The following TAF8 variants were observed in gnomAD, a reference collection of about 807,000 sequenced individuals.
TAF8 encodes the protein TATA-box binding protein associated factor 8.
Under a neutral mutation model 36.5 loss-of-function variants are expected in TAF8, and 47 were observed. The observed-to-expected ratio is 1.29, with a 90% confidence interval of 1.02 to 1.64. The LOEUF is 1.64. Among genes scored for constraint, TAF8 ranks in the 40% most tolerant of loss-of-function variants. The pLI is 0.00. For synonymous variants in TAF8, 175 were observed against 159.5 expected, an observed-to-expected ratio of 1.10 and a Z score of -0.73; for missense variants, 420 against 407.6, an observed-to-expected ratio of 1.03 and a Z score of -0.26.
intron 2 of TAF8, among the ~76,000 whole-genome samples, chr6:42,051,951 A>G (rs747823278): frequency 2.0e-5 from 3 of 152,178 alleles, no homozygotes; most frequent in Non-Finnish European, 4.4e-5. Context: ...GTGAGGCTCC[A>G]TCTCCAACAA....
chr6:42,059,105 C>T (rs999923476), intron 5 of TAF8, among the ~76,000 whole-genome samples: 1 of 151,798 alleles, frequency 6.6e-6, no homozygotes, highest in Non-Finnish European at 1.5e-5. Flanking sequence ...GACTCAGGGC[C>T]GGGCAAGGTG....
chr6:42,084,176 G>T (rs188877973), downstream of TAF8, among the ~76,000 whole-genome samples: 92 of 110,120 alleles, frequency 8.4e-4, no homozygotes, highest in African/African-American at 3.7e-3. Flanking sequence ...GCGAGACTCT[G>T]TCTCAAAAAA....
chr6:42,056,241 T>C, intron 4 of TAF8: 1 of 452,342 alleles, frequency 2.2e-6, no homozygotes, highest in South Asian at 2.5e-5. Context: ...GTGTTTCTTG[T>C]GTTCTAGCCC....
rs1448302942 is a variant in TAF8 at position 42,082,281 on chromosome 6, T to A, written c.*4736T>A. 6.6e-6 allele frequency: 1 copy of A among 152,346 alleles called. No homozygotes were observed. Among genetic ancestry groups the A allele is most frequent in the Non-Finnish European group, 1.5e-5 (1 of 68,062 alleles). The allele number at this position is 152,346 out of a possible 1,614,324, so 9.4% of individuals were successfully genotyped here. A position where few individuals can be genotyped will look rare whatever the true frequency, so the allele number is the denominator to read the frequency against. On this transcript the variant is annotated 3_prime_UTR_variant, in exon 9 of 9. Coordinates refer to ENST00000372977, the MANE Select transcript of TAF8 (RefSeq NM_138572.3). ...TTCTCTCCTGGCAGCCACTACTCTG[T>A]TCTCTATCTCTAATGTTATTGAAAG...
rs138439784 is a variant in TAF8 at position 42,075,395 on chromosome 6, A to G, written c.781-1705A>G. ...ACACACAGGCCCTGATACTGGGCCA[A>G]TGGAACTGTGTCTTTGAAGAGAACA... On this transcript the variant is annotated intron_variant, in intron 7 of 8. Transcript: ENST00000372977. Among the ~76,000 whole-genome samples the G allele has an allele frequency of 7.5e-4, 114 of 152,316 alleles. 2 individuals are homozygous for G. The East Asian group carries it at 0.022, about 29-fold the overall frequency.
intron 5 of TAF8, among the ~76,000 whole-genome samples, chr6:42,065,957 A>G (rs964379860): frequency 1.3e-5 from 2 of 152,036 alleles, no homozygotes; most frequent in African/African-American, 4.8e-5. Context: ...CTGGAGTGCA[A>G]TGATGCAGTC....
In TAF8 at chr6:42,077,730, G is replaced by T; in HGVS notation, c.*185G>T. On this transcript the variant is annotated 3_prime_UTR_variant, in exon 9 of 9. Coordinates refer to ENST00000372977, the MANE Select transcript of TAF8 (RefSeq NM_138572.3). Reference sequence around the variant, plus strand: ...CCTATTTTCACTGGATGTTTGGGTTGAGGAAGATATGAACAGAATAATGAG... The same window carrying T: ...CCTATTTTCACTGGATGTTTGGGTTTAGGAAGATATGAACAGAATAATGAG... 6.9e-7 allele frequency: 1 copy of T among 1,457,144 alleles called. No homozygotes were observed. The allele number at this position is 1,457,144 out of a possible 1,614,324, so 90.3% of individuals were successfully genotyped here.
chr6:42,066,377 T>C lies in TAF8; in HGVS notation c.555T>C (p.Asp185=). 2 of 1,614,218 alleles carry C rather than the reference T, an allele frequency of 1.2e-6. No individual in the cohort carries two copies. The highest frequency in any genetic ancestry group is 1.7e-6 in the Non-Finnish European group (2 of 1,180,038). Residue 185 remains aspartate (D), a synonymous_variant, in exon 6 of 9, where the codon GAT becomes GAC. Transcript: ENST00000372977. ...LREKAASQRR[D]VERALTRFMA... ...AGAAGGCTGCATCCCAGAGGCGCGA[T>C]GTGGAGCGGGCACTTACCCGTTTCA...
At chr6:42,070,408 C>T (rs949062138) in intron 7 of TAF8, among the ~76,000 whole-genome samples, 7 of 152,144 alleles carry the variant, frequency 4.6e-5, no homozygotes, top group African/African-American at 1.4e-4. Context: ...AGGAGAATGG[C>T]GTGAACCTGG....
intron 7 of TAF8, among the ~76,000 whole-genome samples, chr6:42,074,234 A>G (rs1765676430): frequency 6.6e-6 from 1 of 152,184 alleles, no homozygotes; most frequent in African/African-American, 2.4e-5. Context: ...CGCCGTTTAC[A>G]CCACAGGGGA....
At chr6:42,051,265 T>C (rs1238312186) in intron 1 of TAF8, 92 bp from the exon 2 acceptor site, 18 of 1,375,120 alleles carry the variant, frequency 1.3e-5, no homozygotes, top group Non-Finnish European at 1.6e-5. Flanking sequence ...ATAAAATTAT[T>C]TAGTAAAATA....
rs1765802415 is a variant in TAF8 at position 42,077,675 on chromosome 6, T to A, written c.*130T>A. ...GGCTGCAGGGTGTGATCGGACATGA[T>A]TTTCATGGCAAACCGTCTTATTAAG... On this transcript the variant is annotated 3_prime_UTR_variant, in exon 9 of 9. Transcript: ENST00000372977. 1 of 1,517,490 alleles carries A rather than the reference T, an allele frequency of 6.6e-7. No homozygotes were observed. The highest frequency in any genetic ancestry group is 8.8e-7 in the Non-Finnish European group (1 of 1,134,572). 94.0% of individuals were successfully genotyped at this position (1,517,490 alleles called of 1,614,324 possible).
chr6:42,083,753 G>C (rs1765982667), downstream of TAF8, among the ~76,000 whole-genome samples: 1 of 152,148 alleles, frequency 6.6e-6, no homozygotes, highest in Non-Finnish European at 1.5e-5. Context: ...ACTTCAGGAA[G>C]AGTGTCCCAG....
intron 5 of TAF8, among the ~76,000 whole-genome samples, chr6:42,058,590 G>A (rs537787821): frequency 7.9e-5 from 12 of 152,148 alleles, no homozygotes; most frequent in African/African-American, 2.4e-4. Context: ...AAGCCCTCAC[G>A]TCCTCTGGGC....
At chr6:42,071,988 G>A (rs1409455823) in intron 7 of TAF8, among the ~76,000 whole-genome samples, 3 of 152,206 alleles carry the variant, frequency 2.0e-5, no homozygotes, top group Non-Finnish European at 4.4e-5. Context: ...AGGAGTGTAG[G>A]AAGGCCTGAG....
At chr6:42,083,711 G>A (rs1157841111), downstream of TAF8, among the ~76,000 whole-genome samples, 1 of 152,146 alleles carries the variant, frequency 6.6e-6, no homozygotes, top group Non-Finnish European at 1.5e-5. Flanking sequence ...TGCCATCACA[G>A]AGGAGGGAAC....
rs538204636 is a variant in TAF8, at chr6:42,079,568, C to A, written c.*2023C>A. The A allele has an allele frequency of 1.0e-6, 1 of 985,188 alleles. No individual in the cohort carries two copies. Among genetic ancestry groups the A allele is most frequent in the South Asian group, 4.7e-5 (1 of 21,282 alleles). 61.0% of individuals were successfully genotyped at this position (985,188 alleles called of 1,614,324 possible). A position where few individuals can be genotyped will look rare whatever the true frequency, so the allele number is the denominator to read the frequency against. On this transcript the variant is annotated 3_prime_UTR_variant, in exon 9 of 9. Coordinates refer to ENST00000372977, the MANE Select transcript of TAF8 (RefSeq NM_138572.3). ...TTCCCCTTTGGCTTCCACAGTTCAACTCCTTTTATTTTGAGACAGGGTCTC... is the reference window on the plus strand; with the variant it reads ...TTCCCCTTTGGCTTCCACAGTTCAAATCCTTTTATTTTGAGACAGGGTCTC...
intron 2 of TAF8, among the ~76,000 whole-genome samples, chr6:42,054,030 G>A (rs898276171): frequency 3.9e-5 from 6 of 152,120 alleles, no homozygotes; most frequent in African/African-American, 7.2e-5. Context: ...GGCCCCTAAA[G>A]TAGGAGTTCT....
chr6:42,070,223 T>G (rs976409658), intron 7 of TAF8, among the ~76,000 whole-genome samples: 7 of 152,058 alleles, frequency 4.6e-5, no homozygotes, highest in African/African-American at 1.7e-4. Flanking sequence ...GCGCGGTGGC[T>G]CACGTCTGTA....
Sources: gnomAD v4.1 joint callset for allele counts (sites outside exome capture counted in the v4.1 genomes callset) on GRCh38, gnomAD v4.1.1 for gene constraint, MANE v1.5 for transcripts, NCBI Gene and HGNC (gene_info 2026-07-23, HGNC 2026-07-21) for gene names.